NHSL1: variants seen among roughly 807,000 people sequenced by gnomAD.
The protein encoded by NHSL1 is NHS-like protein 1.
Under a neutral mutation model 95.0 loss-of-function variants are expected in NHSL1, and 48 were observed. The observed-to-expected ratio is 0.51, with a 90% confidence interval of 0.40 to 0.64. NHSL1 has a LOEUF of 0.64. NHSL1 is among the 30% of genes least tolerant of loss of function. The pLI, the probability that NHSL1 is intolerant of heterozygous loss-of-function variation, is 0.00. For missense variants in NHSL1, 1,971 were observed against 2,077.7 expected (o/e 0.95, Z 1.00); for synonymous variants, 783 against 833.9 (o/e 0.94, Z 1.05).
intron 1 of NHSL1, among the ~76,000 whole-genome samples, chr6:138,520,812 G>C (rs1781647709): frequency 6.6e-6 from 1 of 152,302 alleles, no homozygotes; most frequent in South Asian, 2.1e-4. Context: ...GCATGGACAA[G>C]TAAAAGTAGG....
intron 7 of NHSL1, among the ~76,000 whole-genome samples, chr6:138,427,797 G>A (rs980445672): frequency 2.6e-5 from 4 of 152,122 alleles, no homozygotes; most frequent in African/African-American, 4.8e-5. Context: ...GAGCTTAAGC[G>A]CTGAAGGACA....
At chr6:138,437,307 T>C (rs1288306919) in intron 5 of NHSL1, among the ~76,000 whole-genome samples, 1 of 120,948 alleles carries the variant, frequency 8.3e-6, no homozygotes, top group South Asian at 2.7e-4. Context: ...TATATATATA[T>C]ATATATATAT....
upstream of NHSL1, among the ~76,000 whole-genome samples, chr6:138,575,977 A>T: frequency 6.7e-6 from 1 of 148,424 alleles, no homozygotes; most frequent in Non-Finnish European, 1.5e-5. Context: ...TTATTTATTT[A>T]TTTATTTATT....
upstream of NHSL1, among the ~76,000 whole-genome samples, chr6:138,575,299 C>T (rs184737376): frequency 1.3e-5 from 2 of 152,290 alleles, no homozygotes; most frequent in African/African-American, 4.8e-5. Flanking sequence ...GAATTGGTAT[C>T]ATTAGTAACT....
intron 2 of NHSL1, among the ~76,000 whole-genome samples, chr6:138,495,317 T>C (rs1004360558): frequency 6.6e-6 from 1 of 152,226 alleles, no homozygotes; most frequent in Non-Finnish European, 1.5e-5. Flanking sequence ...ACATTCTTCC[T>C]ATATTTTCTA....
At chr6:138,542,529 T>C (rs1033991890) in intron 1 of NHSL1, among the ~76,000 whole-genome samples, 15 of 152,220 alleles carry the variant, frequency 9.9e-5, no homozygotes, top group Admixed American at 2.0e-4. Flanking sequence ...TGTGGTGATA[T>C]CACACAAGCA....
rs150990343 is a variant in NHSL1, at chr6:138,648,874, T to C, written c.96+43602A>G. Among the ~76,000 whole-genome samples the C allele has an allele frequency of 2.3e-3, 346 of 152,156 alleles. 1 individual carries two copies. Among genetic ancestry groups the C allele is most frequent in the African/African-American group, 7.7e-3 (318 of 41,504 alleles). Reference sequence around the variant, plus strand: ...AAATATTTGAAAGCAAGGCAATAGATGAGTAGTAGATTGGGGGTGAGGAAT... The same window carrying C: ...AAATATTTGAAAGCAAGGCAATAGACGAGTAGTAGATTGGGGGTGAGGAAT... On this transcript the variant is annotated intron_variant, in intron 1 of 3. Coordinates refer to the NHSL1 transcript ENST00000491526.
At chr6:138,627,949 G>C (rs1583456631) in intron 1 of NHSL1, among the ~76,000 whole-genome samples, 2 of 152,062 alleles carry the variant, frequency 1.3e-5, no homozygotes, top group East Asian at 3.9e-4. Context: ...AAATATTCTT[G>C]TCAACATATT....
chr6:138,577,667 G>A (rs1244802605), intron 1 of NHSL1, among the ~76,000 whole-genome samples: 1 of 152,126 alleles, frequency 6.6e-6, no homozygotes, highest in African/African-American at 2.4e-5. Flanking sequence ...GAATCACCCA[G>A]ACAACCCACA....
intron 1 of NHSL1, among the ~76,000 whole-genome samples, chr6:138,603,726 A>C (rs976541976): frequency 6.6e-6 from 1 of 152,224 alleles, no homozygotes; most frequent in African/African-American, 2.4e-5. Context: ...CATCCCTTTA[A>C]AACAGAAGCA....
intron 3 of NHSL1, among the ~76,000 whole-genome samples, chr6:138,461,517 A>T (rs903514504): frequency 2.9e-5 from 4 of 136,656 alleles, no homozygotes; most frequent in Non-Finnish European, 6.4e-5. Flanking sequence ...GAAGAAAAGA[A>T]TCATAAACAA....
intron 1 of NHSL1, among the ~76,000 whole-genome samples, chr6:138,686,526 T>C (rs901864749): frequency 6.6e-6 from 1 of 152,190 alleles, no homozygotes; most frequent in Non-Finnish European, 1.5e-5. Flanking sequence ...CATAAATACA[T>C]GCAACTTTAA....
upstream of NHSL1, among the ~76,000 whole-genome samples, chr6:138,577,338 C>G (rs149834392): frequency 8.7e-3 from 1,325 of 152,338 alleles, 6 homozygotes; most frequent in Non-Finnish European, 0.014. Context: ...TTTGGCCTCA[C>G]AGGCCACAAA....
chr6:138,547,120 C>G (rs1173280953), upstream of NHSL1, among the ~76,000 whole-genome samples: 3 of 152,162 alleles, frequency 2.0e-5, no homozygotes, highest in Non-Finnish European at 4.4e-5. Flanking sequence ...TCCTGGGGTG[C>G]TCACTGCCAC....
chr6:138,650,356 C>G, intron 1 of NHSL1: 1 of 1,189,414 alleles, frequency 8.4e-7, no homozygotes, highest in Non-Finnish European at 1.2e-6. Context: ...CGGGGGAGCC[C>G]AGCCTGCAGC....
chr6:138,538,736 A>C (rs1026055564), intron 1 of NHSL1, among the ~76,000 whole-genome samples: 1 of 152,240 alleles, frequency 6.6e-6, no homozygotes, highest in Non-Finnish European at 1.5e-5. Flanking sequence ...TTTGCTCTCA[A>C]ATGCTGTCTT....
At chr6:138,434,923 G>C (rs1775976260) in intron 5 of NHSL1, among the ~76,000 whole-genome samples, 1 of 152,150 alleles carries the variant, frequency 6.6e-6, no homozygotes, top group African/African-American at 2.4e-5. Flanking sequence ...ATGGCACCCT[G>C]GAAGGAAGGA....
At position 138,445,309 on chromosome 6, in the gene NHSL1, C is replaced by A. The variant is rs77464651; in HGVS notation, c.532+1692G>T. On this transcript the variant is annotated intron_variant, in intron 4 of 7. Transcript: ENST00000343505. ...TAATTACATTTCTGCTGCATTTAAT[C>A]AATCAAATAATGTAATTCATTTTCT... is the stretch of plus-strand genomic sequence containing the variant. Among the ~76,000 whole-genome samples the A allele has an allele frequency of 4.6e-3, 707 of 152,210 alleles. 6 individuals carry two copies. Among genetic ancestry groups the A allele is most frequent in the African/African-American group, 0.016 (684 of 41,534 alleles).
exon 1 of NHSL1, chr6:138,572,145 T>C: frequency 2.2e-6 from 1 of 455,994 alleles, no homozygotes; most frequent in African/African-American, 2.0e-5. Flanking sequence ...CATTGTGGAC[T>C]CCGTTTCTAG....
Sources: gnomAD v4.1 joint callset for allele counts (sites outside exome capture counted in the v4.1 genomes callset) on GRCh38, gnomAD v4.1.1 for gene constraint, MANE v1.5 for transcripts, NCBI Gene and HGNC (gene_info 2026-07-23, HGNC 2026-07-21) for gene names.